MAPK10: variants seen among roughly 807,000 people sequenced by gnomAD.
The protein encoded by MAPK10 is JNK3 alpha protein kinase.
In MAPK10, 25 loss-of-function variants were observed where a neutral mutation model predicts 59.3. The ratio of observed to expected loss-of-function variants is 0.42; its 90% CI spans 0.31 to 0.59. The LOEUF is 0.59. MAPK10 is among the 20% of genes least tolerant of loss of function. The pLI is 0.15. For missense variants in MAPK10, 351 were observed against 568.9 expected (o/e 0.62, Z 3.90); for synonymous variants, 190 against 200.5 (o/e 0.95, Z 0.44).
At chr4:86,209,162 T>A (rs1244953963) in intron 2 of MAPK10, among the ~76,000 whole-genome samples, 1 of 151,956 alleles carries the variant, frequency 6.6e-6, no homozygotes. Context: ...TCAACAAAAT[T>A]AACAACCTAC....
At chr4:86,365,309 A>G (rs1489063271) in intron 1 of MAPK10, among the ~76,000 whole-genome samples, 1 of 151,610 alleles carries the variant, frequency 6.6e-6, no homozygotes, top group Non-Finnish European at 1.5e-5. Context: ...GCACTTGCCT[A>G]TAGTCCCAGC....
At chr4:86,334,753 AC>A (rs1294774546) in intron 2 of MAPK10, among the ~76,000 whole-genome samples, 2 of 61,346 alleles carry the variant, frequency 3.3e-5, no homozygotes, top group East Asian at 5.8e-4. Context: ...CATTAAAAAA[AC>A]AACAAAAAAA....
At chr4:86,404,077 T>A (rs1342804652) in intron 1 of MAPK10, among the ~76,000 whole-genome samples, 2 of 152,206 alleles carry the variant, frequency 1.3e-5, no homozygotes, top group Non-Finnish European at 2.9e-5. Context: ...AACTTGCAAT[T>A]CTTAGTTGTA....
At position 86,464,970 on chromosome 4, in the gene MAPK10, G is replaced by A. The variant is rs569630812; in HGVS notation, c.-262-110326C>T. On this transcript the variant is annotated intron_variant, in intron 1 of 4. Coordinates refer to the MAPK10 transcript ENST00000502302. ...TAGACACTTTCACAATTTAACACAC[G>A]TTAATGTCTCTGGTCTCAAACACAG... Among the ~76,000 whole-genome samples, 11 of 152,298 alleles carry A rather than the reference G, an allele frequency of 7.2e-5. No individual in the cohort carries two copies. In the East Asian group the frequency reaches 1.5e-3, roughly 21 times the overall value.
intron 1 of MAPK10, among the ~76,000 whole-genome samples, chr4:86,380,375 TAC>T (rs1300351752): frequency 2.0e-5 from 3 of 152,230 alleles, no homozygotes; most frequent in Non-Finnish European, 4.4e-5. Flanking sequence ...CCTCTGGAGA[TAC>T]AGTTTCACAA....
chr4:86,022,064 G>T (rs1235190448), intron 13 of MAPK10, among the ~76,000 whole-genome samples: 7 of 152,224 alleles, frequency 4.6e-5, no homozygotes, highest in Admixed American at 4.6e-4. Flanking sequence ...CCACAGTGCA[G>T]TGGGGGGCTG....
rs149651767 is a variant in MAPK10, at chr4:86,322,313, A to T, written c.-7+32217T>A. 6.3e-3 allele frequency among the ~76,000 whole-genome samples: 958 copies of T among 152,334 alleles called. 7 individuals are homozygous for T. Among genetic ancestry groups the T allele is most frequent in the African/African-American group, 0.021 (861 of 41,580 alleles). ...CACTTCACAGGAGACTATGTCTCTT[A>T]CACATGAAGCATTTTAGAACACAAT... On this transcript the variant is annotated intron_variant, in intron 2 of 13. Coordinates refer to ENST00000641462, the MANE Select transcript of MAPK10 (RefSeq NM_138982.4).
chr4:86,187,045 A>G (rs1244107243), intron 3 of MAPK10, among the ~76,000 whole-genome samples: 1 of 152,134 alleles, frequency 6.6e-6, no homozygotes, highest in Non-Finnish European at 1.5e-5. Flanking sequence ...TACCACCTGT[A>G]TATTATTATA....
At chr4:86,554,284 A>G (rs1760087570) in intron 1 of MAPK10, among the ~76,000 whole-genome samples, 2 of 152,186 alleles carry the variant, frequency 1.3e-5, no homozygotes, top group South Asian at 4.1e-4. Context: ...TCATATTCTA[A>G]AAGCTACTGC....
intron 8 of MAPK10, 182 bp from the exon 9 acceptor site, chr4:86,098,777 A>C (rs1031129678): frequency 1.8e-6 from 1 of 554,276 alleles, no homozygotes; most frequent in African/African-American, 1.9e-5. Flanking sequence ...AACAGTGTTT[A>C]GTATGAGAAC....
chr4:86,105,729 T>C (rs1053619933), intron 5 of MAPK10, among the ~76,000 whole-genome samples: 1 of 152,150 alleles, frequency 6.6e-6, no homozygotes, highest in Non-Finnish European at 1.5e-5. Context: ...TATATAACTC[T>C]TCATAGGAAC....
chr4:86,279,665 C>T (rs2094720420), intron 2 of MAPK10, among the ~76,000 whole-genome samples: 1 of 152,112 alleles, frequency 6.6e-6, no homozygotes, highest in African/African-American at 2.4e-5. Flanking sequence ...TCTCTTGCTG[C>T]AATGAAGCTG....
At chr4:86,396,457 C>A (rs1456456089) in intron 1 of MAPK10, among the ~76,000 whole-genome samples, 1 of 152,124 alleles carries the variant, frequency 6.6e-6, no homozygotes, top group African/African-American at 2.4e-5. Context: ...TGGGGATAGT[C>A]CAAATTGAGA....
At chr4:86,043,654 A>G (rs1175246314) in intron 11 of MAPK10, among the ~76,000 whole-genome samples, 15 of 152,200 alleles carry the variant, frequency 9.9e-5, no homozygotes, top group Admixed American at 9.8e-4. Context: ...AAACTGAAAC[A>G]TAGGACACAC....
intron 4 of MAPK10, chr4:86,120,295 G>A (rs894859262): frequency 5.3e-5 from 8 of 152,208 alleles, no homozygotes; most frequent in Non-Finnish European, 1.0e-4. Context: ...ATTGAAGCAA[G>A]GCAGCAAGTG....
At chr4:86,318,910 T>TA (rs141031540) in intron 2 of MAPK10, among the ~76,000 whole-genome samples, 41,865 of 151,986 alleles carry the variant, frequency 0.28, 6,443 homozygotes, top group Non-Finnish European at 0.35. Flanking sequence ...ACTTGAAAAT[T>TA]AAAGTGGGAC....
At chr4:86,429,483 C>T (rs1747747375) in intron 1 of MAPK10, among the ~76,000 whole-genome samples, 1 of 152,134 alleles carries the variant, frequency 6.6e-6, no homozygotes, top group African/African-American at 2.4e-5. Flanking sequence ...ATAATTAGAT[C>T]ATTATCTAAT....
intron 4 of MAPK10, among the ~76,000 whole-genome samples, chr4:86,129,499 T>C (rs1295016450): frequency 6.6e-6 from 1 of 152,204 alleles, no homozygotes; most frequent in African/African-American, 2.4e-5. Flanking sequence ...CATATAGTAG[T>C]CTTCTCACAT....
At chr4:86,082,001 T>C (rs2050760152) in intron 9 of MAPK10, 1 of 152,118 alleles carries the variant, frequency 6.6e-6, no homozygotes, top group Non-Finnish European at 1.5e-5. Context: ...CTATGTCCAG[T>C]CCATGAACAG....
Sources: allele counts gnomAD v4.1 joint callset (sites outside exome capture counted in the v4.1 genomes callset), GRCh38; gene constraint gnomAD v4.1.1; transcripts MANE v1.5; gene names NCBI Gene and HGNC (gene_info 2026-07-23, HGNC 2026-07-21).